USP34: variants seen among roughly 807,000 people sequenced by gnomAD.
The protein encoded by USP34 is ubiquitin specific peptidase 34, also known as ubiquitin carboxyl-terminal hydrolase 34.
USP34 carries 70 observed loss-of-function variants against 460.3 expected under a neutral mutation model. The ratio of observed to expected loss-of-function variants is 0.15; its 90% CI spans 0.13 to 0.19. The LOEUF is 0.19. Among genes scored for constraint, USP34 ranks in the 10% least tolerant of loss-of-function variants. The pLI is 1.00. For synonymous variants in USP34, 1,647 were observed against 1,405.3 expected (o/e 1.17, Z -3.85); for missense variants, 3,985 against 4,236.2 (o/e 0.94, Z 1.65).
intron 18 of USP34, among the ~76,000 whole-genome samples, chr2:61,336,460 A>G (rs1464572571): frequency 6.6e-6 from 1 of 151,786 alleles, no homozygotes; most frequent in Non-Finnish European, 1.5e-5. Context: ...TACCTATAAA[A>G]GAAGTATGTA....
rs115880138 is a variant in USP34 at position 61,209,782 on chromosome 2, G to A, written c.8841-805C>T. The stretch of plus-strand genomic sequence containing the variant: ...AGGGATTCCAGAAGAAGGCATCATT[G>A]TCAGAGGAGATGACAGCTCTAAGCT... On this transcript the variant is annotated intron_variant, in intron 69 of 79. Coordinates refer to ENST00000398571, the MANE Select transcript of USP34 (RefSeq NM_014709.4). Among the ~76,000 whole-genome samples the A allele has an allele frequency of 3.3e-3, 498 of 152,308 alleles. 2 individuals carry two copies. The highest frequency in any genetic ancestry group is 0.012 in the African/African-American group (491 of 41,554).
chr2:61,190,443 A>G, intron 77 of USP34, 29 bp from the exon 78 acceptor site: 1 of 1,600,670 alleles, frequency 6.2e-7, no homozygotes, highest in Non-Finnish European at 8.5e-7. Context: ...AAAAATCTCC[A>G]AAAGACCAGC....
chr2:61,199,902 ATCTT>A (rs1196621759), intron 75 of USP34: 1 of 152,382 alleles, frequency 6.6e-6, no homozygotes, highest in African/African-American at 2.4e-5. Context: ...CTTGATATTT[ATCTT>A]TCTGATATTT....
intron 25 of USP34, among the ~76,000 whole-genome samples, chr2:61,313,960 T>A (rs974204574): frequency 1.3e-5 from 2 of 152,138 alleles, no homozygotes; most frequent in African/African-American, 4.8e-5. Flanking sequence ...CATTTGCTCA[T>A]AATTTTTAAC....
intron 1 of USP34, among the ~76,000 whole-genome samples, chr2:61,467,307 TAAAAAATA>T (rs1394034509): frequency 6.6e-6 from 1 of 151,498 alleles, no homozygotes; most frequent in Non-Finnish European, 1.5e-5. Context: ...TGTCTCCAAA[TAAAAAATA>T]AAAAAATAAT....
chr2:61,340,527 T>C (rs1691562316), intron 16 of USP34, among the ~76,000 whole-genome samples: 1 of 152,212 alleles, frequency 6.6e-6, no homozygotes, highest in Admixed American at 6.5e-5. Context: ...CAGCAGTGTA[T>C]GAGAGCATCA....
In USP34 at chr2:61,288,948, T is replaced by C. The variant is rs994713876; in HGVS notation, c.4549-71A>G. ...GAATGGCCACAATACAATTTTGAAA[T>C]TAAAAGACCAGAAAATAAAAATAAT... On this transcript the variant is annotated intron_variant, in intron 33 of 79. Transcript: ENST00000398571. 8.1e-6 allele frequency: 12 copies of C among 1,481,920 alleles called. No individual in the cohort carries two copies. Among genetic ancestry groups the C allele is most frequent in the Admixed American group, 3.6e-5 (2 of 55,088 alleles). 91.8% of individuals were successfully genotyped at this position (1,481,920 alleles called of 1,614,324 possible).
rs1222988588 is a variant in USP34 at position 61,236,049 on chromosome 2, T to A, written c.6943A>T (p.Thr2315Ser). The A allele has an allele frequency of 5.6e-6, 9 of 1,606,080 alleles. No homozygotes were observed. The highest frequency in any genetic ancestry group is 6.8e-6 in the Non-Finnish European group (8 of 1,178,120). ...ACCTTTTCTTTAGAATGAATAAATG[T>A]CTCTAGGACAAAGGAAGTGCTTAAC... ...AKLSTSFVLE[T>S]FIHSKEKPTM... Residue 2315 changes from threonine (T) to serine (S), a missense_variant, in exon 56 of 80, where the codon ACA becomes TCA. Physicochemically the swap from Thr to Ser is moderately conservative, Grantham distance 58. This residue lies in a region of USP34 where 604 missense variants were observed against 684.8 expected (regional missense o/e 0.88). Coordinates refer to ENST00000398571, the MANE Select transcript of USP34 (RefSeq NM_014709.4).
intron 1 of USP34, among the ~76,000 whole-genome samples, chr2:61,451,684 A>G (rs1382321768): frequency 5.3e-5 from 8 of 150,802 alleles, no homozygotes; most frequent in Non-Finnish European, 4.4e-5. Flanking sequence ...CCCCGCCTCA[A>G]AAAAAAAAAC....
At chr2:61,353,857 T>C (rs879572055) in intron 10 of USP34, among the ~76,000 whole-genome samples, 5 of 151,982 alleles carry the variant, frequency 3.3e-5, no homozygotes, top group South Asian at 2.1e-4. Context: ...AAAGAAATTA[T>C]GGAAATGAAA....
chr2:61,263,644 G>A (rs771026964), intron 43 of USP34, among the ~76,000 whole-genome samples: 1 of 151,940 alleles, frequency 6.6e-6, no homozygotes, highest in African/African-American at 2.4e-5. Flanking sequence ...ACCATACCCA[G>A]CTATTTTTTT....
intron 16 of USP34, among the ~76,000 whole-genome samples, chr2:61,342,825 T>G (rs570234862): frequency 6.6e-6 from 1 of 152,238 alleles, no homozygotes; most frequent in African/African-American, 2.4e-5. Context: ...AATTTCTAAC[T>G]CCACGCAGTA....
intron 15 of USP34, among the ~76,000 whole-genome samples, chr2:61,345,033 G>C (rs1300156194): frequency 6.6e-6 from 1 of 152,176 alleles, no homozygotes; most frequent in Non-Finnish European, 1.5e-5. Flanking sequence ...AGCACTTTGG[G>C]AGGCCGAGGC....
chr2:61,405,013 G>A (rs1693825776), intron 3 of USP34, among the ~76,000 whole-genome samples: 1 of 151,822 alleles, frequency 6.6e-6, no homozygotes. Flanking sequence ...AGATCATGAG[G>A]TCAGGAGATC....
rs376902493 is a variant in USP34, at chr2:61,350,616, A to G, written c.1329T>C (p.His443=). 6.6e-5 allele frequency: 107 copies of G among 1,613,898 alleles called. No homozygotes were observed. In the African/African-American group the frequency reaches 1.3e-3, roughly 19 times the overall value. Reference sequence around the variant, plus strand: ...CAAGAGCTGAGACCAGATTAAGTAGATGTCTAAGTGGTACGGGATCCAAAT... The same window carrying G: ...CAAGAGCTGAGACCAGATTAAGTAGGTGTCTAAGTGGTACGGGATCCAAAT... The part of the protein sequence containing the change: ...IKNLDPVPLR[H]LLNLVSALEP... The change falls in exon 11 of 80, where the codon CAT becomes CAC. Residue 443 remains histidine (H), a synonymous_variant. Coordinates refer to ENST00000398571, the MANE Select transcript of USP34 (RefSeq NM_014709.4).
chr2:61,354,044 A>T (rs1692033525), intron 10 of USP34, among the ~76,000 whole-genome samples: 1 of 152,234 alleles, frequency 6.6e-6, no homozygotes, highest in African/African-American at 2.4e-5. Context: ...AGAGCAACAC[A>T]TTCATTTTGG....
At chr2:61,444,824 T>A (rs1320274056) in intron 1 of USP34, among the ~76,000 whole-genome samples, 1 of 151,994 alleles carries the variant, frequency 6.6e-6, no homozygotes, top group African/African-American at 2.4e-5. Flanking sequence ...GACCTCCTTT[T>A]TTGGCTTTGG....
intron 3 of USP34, among the ~76,000 whole-genome samples, chr2:61,397,667 G>A (rs865858134): frequency 7.9e-5 from 12 of 151,820 alleles, no homozygotes; most frequent in Middle Eastern, 6.8e-3. Flanking sequence ...TTCAGAGGCC[G>A]AGGTGGGCGG....
Position 61,241,571 on chromosome 2 carries a change from C to G in USP34, c.6766G>C (p.Glu2256Gln). Reference sequence around the variant, plus strand: ...AAATTAACTTATACCTCTAGTAACTCTGACGAAACATCAAATTTGTATTCT... The same window carrying G: ...AAATTAACTTATACCTCTAGTAACTGTGACGAAACATCAAATTTGTATTCT... ...GREYKFDVSSELLEWIWHDNM... is the reference protein window; with the variant it reads ...GREYKFDVSSQLLEWIWHDNM... The change falls in exon 53 of 80, where the codon GAG (glutamate) becomes CAG (glutamine). Residue 2256 changes from glutamate (E) to glutamine (Q), a missense_variant. This residue lies in a region of USP34 where 604 missense variants were observed against 684.8 expected (regional missense o/e 0.88). Coordinates refer to ENST00000398571, the MANE Select transcript of USP34 (RefSeq NM_014709.4). 1 of 1,603,376 alleles carries G rather than the reference C, an allele frequency of 6.2e-7. No individual in the cohort carries two copies. Among genetic ancestry groups the G allele is most frequent in the Non-Finnish European group, 8.5e-7 (1 of 1,176,944 alleles).
Sources: allele counts gnomAD v4.1 joint callset (sites outside exome capture counted in the v4.1 genomes callset), GRCh38; gene constraint gnomAD v4.1.1; regional missense constraint gnomAD v4.1.1; transcripts MANE v1.5; gene names NCBI Gene and HGNC (gene_info 2026-07-23, HGNC 2026-07-21).